Variants in GSS observed in about 807,000 individuals in gnomAD.
GSS encodes the protein GSH synthetase.
In GSS, 34 loss-of-function variants were observed where a neutral mutation model predicts 60.4. The observed-to-expected ratio is 0.56, with a 90% CI of 0.43 to 0.75. The LOEUF (loss-of-function observed/expected upper bound fraction) is 0.75, where lower values mean the gene tolerates loss of function less well. Among genes scored for constraint, GSS ranks in the 30% least tolerant of loss-of-function variants. The pLI is 0.00. For missense variants in GSS, 499 were observed against 595.1 expected (o/e 0.84, Z 1.68); for synonymous variants, 224 against 239.0 (o/e 0.94, Z 0.58).
chr20:34,932,795 C>T (rs980155921), intron 9 of GSS, among the ~76,000 whole-genome samples: 3 of 152,092 alleles, frequency 2.0e-5, no homozygotes, highest in African/African-American at 4.8e-5. Flanking sequence ...TACACGCACA[C>T]GCACACAAAC....
chr20:34,939,862 G>A (rs1015344300), intron 6 of GSS, among the ~76,000 whole-genome samples: 1 of 151,908 alleles, frequency 6.6e-6, no homozygotes, highest in African/African-American at 2.4e-5. Flanking sequence ...TAGAGACAAG[G>A]TTTCACCATG....
At chr20:34,935,893 C>A (rs1346468874) in intron 8 of GSS, among the ~76,000 whole-genome samples, 1 of 152,052 alleles carries the variant, frequency 6.6e-6, no homozygotes, top group African/African-American at 2.4e-5. Flanking sequence ...TCTAAGAAGG[C>A]CAGAAGGAAC....
Position 34,929,606 on chromosome 20 carries a change from C to A in GSS, c.1112-16G>T, listed in dbSNP as rs2081383533. 3 of 1,610,092 alleles carry A rather than the reference C, an allele frequency of 1.9e-6. No individual in the cohort carries two copies. Among genetic ancestry groups the A allele is most frequent in the African/African-American group, 1.3e-5 (1 of 74,828 alleles). On this transcript the variant is annotated splice_polypyrimidine_tract_variant and intron_variant, in intron 11 of 12. Transcript: ENST00000651619. ...AGGTTGTTACCTGCAATGAAACTGG[C>A]CAGTCACCCTGGACCCTCTGCCTAC...
intron 1 of GSS, chr20:34,952,221 T>C (rs961962268): frequency 1.5e-5 from 5 of 344,044 alleles, no homozygotes; most frequent in African/African-American, 4.2e-5. Flanking sequence ...AGGCTCTTCA[T>C]TGGAGAAAGA....
At position 34,928,826 on chromosome 20, in the gene GSS, C is replaced by T. The variant is rs36000727; in HGVS notation, c.*2G>A. Reference sequence around the variant, plus strand: ...AGAAGGTCCCGTGGCCTGGTTGTGCCCTCACACAGGGTATGGGTTGTCCAG... The same window carrying T: ...AGAAGGTCCCGTGGCCTGGTTGTGCTCTCACACAGGGTATGGGTTGTCCAG... On this transcript the variant is annotated 3_prime_UTR_variant, in exon 13 of 13. Coordinates refer to ENST00000651619, the MANE Select transcript of GSS (RefSeq NM_000178.4). The T allele has an allele frequency of 3.6e-4, 588 of 1,614,060 alleles. 7 individuals carry two copies. The East Asian group carries it at 0.011, about 30-fold the overall frequency.
At chr20:34,951,909 A>G in intron 1 of GSS, 49 bp from the exon 2 acceptor site, 1 of 1,605,310 alleles carries the variant, frequency 6.2e-7, no homozygotes, top group Non-Finnish European at 8.5e-7. Flanking sequence ...CCTGAAGCCC[A>G]GCAACCACCG....
At chr20:34,945,485 C>A (rs1309639479) in intron 3 of GSS, among the ~76,000 whole-genome samples, 1 of 151,728 alleles carries the variant, frequency 6.6e-6, no homozygotes, top group Non-Finnish European at 1.5e-5. Flanking sequence ...CAGTCTGTAC[C>A]CCATCCCATC....
rs1569015943 is a variant in GSS, at chr20:34,946,172, C to T, written c.130-74G>A. The T allele has an allele frequency of 3.9e-6, 5 of 1,294,036 alleles. 1 individual carries two copies. Among genetic ancestry groups the T allele is most frequent in the Middle Eastern group, 3.7e-4 (2 of 5,352 alleles). 80.2% of individuals were successfully genotyped at this position (1,294,036 alleles called of 1,614,324 possible). On this transcript the variant is annotated intron_variant, in intron 2 of 12. Transcript: ENST00000651619. ...GGTTGTCTTCCTGCAAATGGAATCC[C>T]ATGGAAAGTCTGGCCTATATTTACT...
intron 2 of GSS, among the ~76,000 whole-genome samples, chr20:34,948,797 A>G (rs973838147): frequency 6.7e-5 from 10 of 148,364 alleles, no homozygotes; most frequent in African/African-American, 9.9e-5. Context: ...AAAAAAAAAG[A>G]AACATTTTTC....
In GSS at chr20:34,929,441, G is replaced by C; in HGVS notation, c.1261C>G (p.Gln421Glu). The change falls in exon 12 of 13, where the codon CAG becomes GAG. Residue 421 changes from glutamine (Q) to glutamate (E), a missense_variant. Coordinates refer to ENST00000651619, the MANE Select transcript of GSS (RefSeq NM_000178.4). ...AAGATGCCCAGCTCTGAAATGCACT[G>C]GACCACTCGGGCAGGGCTGCCAGGC... Reference protein sequence around the residue: ...LRPGSPARVVQCISELGIFGV... With the variant: ...LRPGSPARVVECISELGIFGV... 6.2e-7 allele frequency: 1 copy of C among 1,614,128 alleles called. No homozygotes were observed. Among genetic ancestry groups the C allele is most frequent in the Non-Finnish European group, 8.5e-7 (1 of 1,179,996 alleles).
chr20:34,955,138 C>T (rs1004077778), intron 1 of GSS: 5 of 152,188 alleles, frequency 3.3e-5, no homozygotes, highest in South Asian at 2.1e-4. Flanking sequence ...TTCTCCGCCC[C>T]GGGCTTCTAC....
At chr20:34,947,609 T>C (rs2081532783) in intron 2 of GSS, among the ~76,000 whole-genome samples, 2 of 152,298 alleles carry the variant, frequency 1.3e-5, no homozygotes, top group South Asian at 4.1e-4. Flanking sequence ...TATACACATA[T>C]ATTTTCTCTT....
chr20:34,943,812 G>A (rs2081502632), intron 3 of GSS, among the ~76,000 whole-genome samples: 1 of 152,166 alleles, frequency 6.6e-6, no homozygotes, highest in Non-Finnish European at 1.5e-5. Context: ...GTCTATGCAG[G>A]CTCATCGTCA....
In GSS at chr20:34,955,738, T is replaced by G. The variant is rs1423823552; in HGVS notation, c.-20A>C. On this transcript the variant is annotated 5_prime_UTR_variant, in exon 1 of 13. Transcript: ENST00000651619. The stretch of plus-strand genomic sequence containing the variant: ...CCGCCCCAACCTACTAGTTCGCCTT[T>G]CCTCCGCGAACGGTTCTCCCGGCCC... 1 of 152,174 alleles carries G rather than the reference T, an allele frequency of 6.6e-6. No homozygotes were observed. The highest frequency in any genetic ancestry group is 1.5e-5 in the Non-Finnish European group (1 of 68,044). 9.4% of individuals were successfully genotyped at this position (152,174 alleles called of 1,614,324 possible).
chr20:34,931,280 G>T, intron 11 of GSS, 56 bp downstream of exon 11: 1 of 1,369,502 alleles, frequency 7.3e-7, no homozygotes, highest in Non-Finnish European at 1.0e-6. Context: ...ATGAGCACTG[G>T]CCACAGCCTG....
chr20:34,955,164 A>T (rs1600396432), intron 1 of GSS: 1 of 152,130 alleles, frequency 6.6e-6, no homozygotes, highest in East Asian at 1.9e-4. Flanking sequence ...ACAGCCCATC[A>T]CTTTTCCCTG....
intron 2 of GSS, 150 bp downstream of exon 2, chr20:34,951,574 T>G (rs1033314456): frequency 6.8e-6 from 6 of 885,452 alleles, no homozygotes; most frequent in Non-Finnish European, 1.0e-5. Flanking sequence ...ACACTGCCTT[T>G]TTATTTTCTA....
intron 3 of GSS, among the ~76,000 whole-genome samples, chr20:34,944,009 G>A (rs970127156): frequency 6.6e-6 from 1 of 152,200 alleles, no homozygotes; most frequent in Non-Finnish European, 1.5e-5. Flanking sequence ...TTACAGAAAC[G>A]TCACAGCAGA....
chr20:34,948,457 C>T (rs1164342365), intron 2 of GSS, among the ~76,000 whole-genome samples: 3 of 152,162 alleles, frequency 2.0e-5, no homozygotes, highest in Non-Finnish European at 4.4e-5. Context: ...CTGAAACACA[C>T]AGTCTTCTCA....
Sources: gnomAD v4.1 joint callset for allele counts (sites outside exome capture counted in the v4.1 genomes callset) on GRCh38, gnomAD v4.1.1 for gene constraint, MANE v1.5 for transcripts, NCBI Gene and HGNC (gene_info 2026-07-23, HGNC 2026-07-21) for gene names.